Variants in HCN1 observed in about 807,000 individuals in gnomAD.
The protein encoded by HCN1 is potassium/sodium hyperpolarization-activated cyclic nucleotide-gated channel 1.
HCN1 carries 13 observed loss-of-function variants against 78.9 expected under a neutral mutation model. That is an observed-to-expected ratio of 0.16 (90% CI 0.11 to 0.26). The LOEUF (loss-of-function observed/expected upper bound fraction) is 0.26. Among genes scored for constraint, HCN1 ranks in the 10% least tolerant of loss-of-function variants. HCN1 has a pLI of 1.00. For synonymous variants in HCN1, 552 were observed against 455.5 expected (o/e 1.21, Z -2.70); for missense variants, 810 against 1,154.3 (o/e 0.70, Z 4.32).
chr5:45,633,800 A>G (rs1293117820), intron 2 of HCN1, among the ~76,000 whole-genome samples: 1 of 151,972 alleles, frequency 6.6e-6, no homozygotes, highest in Admixed American at 6.6e-5. Context: ...AACTGGTTGT[A>G]TAAAATCACA....
Position 45,526,984 on chromosome 5 carries a change from G to A in HCN1, c.850-64977C>T, listed in dbSNP as rs530492791. On this transcript the variant is annotated intron_variant, in intron 2 of 7. Coordinates refer to ENST00000303230, the MANE Select transcript of HCN1 (RefSeq NM_021072.4). ...CTATGAACTAACTTGGGTTTCAGTCGTCTATCAGAAATCTTTCCTTTCCTT... is the reference window on the plus strand; with the variant it reads ...CTATGAACTAACTTGGGTTTCAGTCATCTATCAGAAATCTTTCCTTTCCTT... 7.4e-4 allele frequency among the ~76,000 whole-genome samples: 103 copies of A among 139,440 alleles called. 3 individuals are homozygous for A. Among genetic ancestry groups the A allele is most frequent in the Non-Finnish European group, 1.2e-3 (79 of 63,402 alleles). 91.5% of individuals were successfully genotyped at this position (139,440 alleles called of 152,430 possible). A position where few individuals can be genotyped will look rare whatever the true frequency, so the allele number is the denominator to read the frequency against.
rs111869022 is a variant in HCN1, at chr5:45,481,936, T to C, written c.850-19929A>G. Among the ~76,000 whole-genome samples the C allele has an allele frequency of 4.6e-5, 7 of 151,130 alleles. 1 individual carries two copies. The highest frequency in any genetic ancestry group is 1.3e-4 in the Admixed American group (2 of 15,158). On this transcript the variant is annotated intron_variant, in intron 2 of 7. Transcript: ENST00000303230. ...AAAATATCTATTTCAGAGGGTTGTA[T>C]TGAGGATAAACTGAAATCCTAAAAG...
At chr5:45,622,553 G>C (rs1745089133) in intron 2 of HCN1, among the ~76,000 whole-genome samples, 1 of 152,006 alleles carries the variant, frequency 6.6e-6, no homozygotes, top group Non-Finnish European at 1.5e-5. Flanking sequence ...GACAATTAAA[G>C]CTGATTGGAT....
chr5:45,556,929 G>T (rs549727105), intron 2 of HCN1, among the ~76,000 whole-genome samples: 2 of 152,062 alleles, frequency 1.3e-5, no homozygotes, highest in East Asian at 3.9e-4. Flanking sequence ...AATATCACAC[G>T]TTTAAAGCTT....
intron 2 of HCN1, among the ~76,000 whole-genome samples, chr5:45,571,350 C>G (rs1488947471): frequency 6.6e-6 from 1 of 152,126 alleles, no homozygotes; most frequent in Non-Finnish European, 1.5e-5. Flanking sequence ...TTTTCTGACT[C>G]TTAAAAAGAG....
intron 2 of HCN1, among the ~76,000 whole-genome samples, chr5:45,633,006 T>C (rs1366560342): frequency 6.6e-6 from 1 of 152,046 alleles, no homozygotes; most frequent in Non-Finnish European, 1.5e-5. Context: ...TAATTGTTTA[T>C]TTAGTAATTG....
Position 45,695,881 on chromosome 5 carries a change from GCCGCCGCCGCCA to G in HCN1, c.201_212del (p.Gly71_Gly74del), listed in dbSNP as rs759116275. ...CCCCCGCCGGCTCCTCGCCGCCGCC[GCCGCCGCCGCCA>G]CCGCCGCCACCGCCGTCCACCTTGA... On this transcript the variant is annotated inframe_deletion, in exon 1 of 8. Coordinates refer to ENST00000303230, the MANE Select transcript of HCN1 (RefSeq NM_021072.4). 1.3e-6 allele frequency: 2 copies of G among 1,535,508 alleles called. 1 individual carries two copies. Among genetic ancestry groups the G allele is most frequent in the Non-Finnish European group, 1.7e-6 (2 of 1,147,096 alleles).
rs1316327479 is a variant in HCN1, at chr5:45,260,265, G to A, written c.*1656C>T. The A allele has an allele frequency of 2.6e-5, 4 of 152,144 alleles. No individual in the cohort carries two copies. Among genetic ancestry groups the A allele is most frequent in the Non-Finnish European group, 4.4e-5 (3 of 68,044 alleles). 9.4% of individuals were successfully genotyped at this position (152,144 alleles called of 1,614,324 possible). ...CCACTTTAAGTCATGCTCTTAACTT[G>A]GGTTATTTACCGCAGCCAGTTGTTA... On this transcript the variant is annotated 3_prime_UTR_variant, in exon 8 of 8. Coordinates refer to ENST00000303230, the MANE Select transcript of HCN1 (RefSeq NM_021072.4).
At chr5:45,664,333 G>T (rs1745987767) in intron 1 of HCN1, among the ~76,000 whole-genome samples, 2 of 142,848 alleles carry the variant, frequency 1.4e-5, no homozygotes, top group Admixed American at 1.4e-4. Flanking sequence ...GGGAGGGATA[G>T]CATTGGGAGA....
At chr5:45,356,495 A>G (rs1467645336) in intron 4 of HCN1, among the ~76,000 whole-genome samples, 4 of 151,976 alleles carry the variant, frequency 2.6e-5, no homozygotes, top group Admixed American at 6.6e-5. Context: ...CCATGTTAAA[A>G]GGTGTTTAAT....
intron 4 of HCN1, among the ~76,000 whole-genome samples, chr5:45,386,109 A>G (rs987613823): frequency 2.0e-5 from 3 of 152,048 alleles, no homozygotes; most frequent in Non-Finnish European, 4.4e-5. Flanking sequence ...CAGTGGGGAC[A>G]TTTCAGTTGC....
intron 3 of HCN1, among the ~76,000 whole-genome samples, chr5:45,427,483 T>A (rs940050947): frequency 1.3e-5 from 2 of 152,114 alleles, no homozygotes; most frequent in Non-Finnish European, 2.9e-5. Flanking sequence ...ATCTGAATAT[T>A]TATGTTTTCT....
intron 2 of HCN1, among the ~76,000 whole-genome samples, chr5:45,515,255 AC>A (rs1175580002): frequency 6.6e-6 from 1 of 152,014 alleles, no homozygotes; most frequent in African/African-American, 2.4e-5. Context: ...TAACCAAATT[AC>A]TTGCCCAAAG....
chr5:45,458,471 C>T (rs1741068409), intron 3 of HCN1, among the ~76,000 whole-genome samples: 1 of 151,962 alleles, frequency 6.6e-6, no homozygotes, highest in South Asian at 2.1e-4. Flanking sequence ...TTTTTGATTT[C>T]TCAACTTGAT....
chr5:45,515,937 T>C (rs923690981), intron 2 of HCN1, among the ~76,000 whole-genome samples: 1 of 151,880 alleles, frequency 6.6e-6, no homozygotes, highest in Non-Finnish European at 1.5e-5. Context: ...CAGGAAAAAA[T>C]ACAAAACTGT....
At chr5:45,372,725 A>G (rs1299556913) in intron 4 of HCN1, among the ~76,000 whole-genome samples, 1 of 143,510 alleles carries the variant, frequency 7.0e-6, no homozygotes, top group Non-Finnish European at 1.5e-5. Flanking sequence ...AAAAATATAT[A>G]CGTATTTATA....
At chr5:45,457,555 T>C (rs1741051645) in intron 3 of HCN1, among the ~76,000 whole-genome samples, 1 of 152,180 alleles carries the variant, frequency 6.6e-6, no homozygotes, top group Admixed American at 6.6e-5. Flanking sequence ...TGCAAGTCAG[T>C]ATCTCCTTCC....
chr5:45,487,400 G>A (rs1469165694), intron 2 of HCN1, among the ~76,000 whole-genome samples: 3 of 151,970 alleles, frequency 2.0e-5, no homozygotes, highest in Non-Finnish European at 4.4e-5. Flanking sequence ...TTTTGAGAGC[G>A]GCATTGTACA....
chr5:45,281,852 A>C (rs947160726), intron 6 of HCN1, among the ~76,000 whole-genome samples: 6 of 151,636 alleles, frequency 4.0e-5, no homozygotes, highest in Non-Finnish European at 8.8e-5. Flanking sequence ...TCAGCCTCCC[A>C]GTGTTGGGAT....
Sources: allele counts gnomAD v4.1 joint callset (sites outside exome capture counted in the v4.1 genomes callset), GRCh38; gene constraint gnomAD v4.1.1; transcripts MANE v1.5; gene names NCBI Gene and HGNC (gene_info 2026-07-23, HGNC 2026-07-21).